ADGRB3: variants seen among roughly 807,000 people sequenced by gnomAD.
ADGRB3 encodes the protein adhesion G protein-coupled receptor B3.
In ADGRB3, 37 loss-of-function variants were observed where a neutral mutation model predicts 193.4. The observed-to-expected ratio is 0.19, with a 90% CI of 0.15 to 0.25. The LOEUF (loss-of-function observed/expected upper bound fraction) is 0.25, where lower values mean the gene tolerates loss of function less well. Ranked by LOEUF, ADGRB3 falls within the 10% of genes least tolerant of loss-of-function variation. ADGRB3 has a pLI of 1.00. For synonymous variants in ADGRB3, 690 were observed against 644.2 expected (o/e 1.07, Z -1.08); for missense variants, 1,637 against 1,852.9 (o/e 0.88, Z 2.14).
intron 17 of ADGRB3, among the ~76,000 whole-genome samples, chr6:69,189,442 T>C (rs1048650785): frequency 2.0e-5 from 3 of 152,188 alleles, no homozygotes; most frequent in African/African-American, 7.2e-5. Context: ...GATTTCTAGA[T>C]TTACTATTGA....
chr6:68,959,751 A>G (rs1768181549), intron 8 of ADGRB3, among the ~76,000 whole-genome samples: 1 of 152,162 alleles, frequency 6.6e-6, no homozygotes, highest in Admixed American at 6.5e-5. Flanking sequence ...ATAAAAAATA[A>G]TTGTAGAAAT....
At chr6:69,262,950 G>C (rs943254094) in intron 20 of ADGRB3, among the ~76,000 whole-genome samples, 14 of 151,838 alleles carry the variant, frequency 9.2e-5, no homozygotes, top group African/African-American at 2.9e-4. Flanking sequence ...CTTACATATA[G>C]CGTTTTCTAA....
chr6:69,358,383 C>G (rs916393311), intron 28 of ADGRB3, among the ~76,000 whole-genome samples: 34 of 152,088 alleles, frequency 2.2e-4, no homozygotes, highest in Middle Eastern at 3.4e-3. Context: ...GCTGTGATCT[C>G]ATCTCTGCAG....
intron 3 of ADGRB3, among the ~76,000 whole-genome samples, chr6:68,747,041 A>C (rs998881827): frequency 2.0e-5 from 3 of 152,228 alleles, no homozygotes; most frequent in Non-Finnish European, 4.4e-5. Context: ...AATTAAGGTG[A>C]GGATGATAAG....
At chr6:69,231,378 C>A (rs1455457453) in intron 17 of ADGRB3, among the ~76,000 whole-genome samples, 1 of 152,158 alleles carries the variant, frequency 6.6e-6, no homozygotes, top group Middle Eastern at 3.2e-3. Flanking sequence ...AGCTGCATAA[C>A]TGAAAAGTGT....
intron 3 of ADGRB3, among the ~76,000 whole-genome samples, chr6:68,908,061 C>T (rs1327486253): frequency 6.6e-6 from 1 of 151,758 alleles, no homozygotes. Context: ...TCGATGAGAT[C>T]TTAATATTAA....
chr6:68,728,515 T>G (rs1765715152), intron 3 of ADGRB3, among the ~76,000 whole-genome samples: 1 of 151,556 alleles, frequency 6.6e-6, no homozygotes, highest in Admixed American at 6.6e-5. Context: ...AAAACACTCG[T>G]GCACACATAT....
chr6:69,103,604 C>G (rs1037882251), intron 17 of ADGRB3, among the ~76,000 whole-genome samples: 2 of 151,838 alleles, frequency 1.3e-5, no homozygotes, highest in Non-Finnish European at 2.9e-5. Context: ...AAAGTGGCTT[C>G]AAGATTTTAA....
intron 19 of ADGRB3, among the ~76,000 whole-genome samples, chr6:69,238,580 C>T (rs777493987): frequency 2.0e-5 from 3 of 151,930 alleles, no homozygotes; most frequent in Non-Finnish European, 4.4e-5. Context: ...TAAAGAGTAG[C>T]AGCCTAATTA....
intron 3 of ADGRB3, among the ~76,000 whole-genome samples, chr6:68,792,829 C>T (rs538762296): frequency 8.0e-4 from 121 of 152,152 alleles, no homozygotes; most frequent in Non-Finnish European, 1.4e-3. Context: ...ACTTCAGATA[C>T]TGGAGCAAAT....
intron 11 of ADGRB3, among the ~76,000 whole-genome samples, chr6:69,010,960 C>A (rs1241057429): frequency 6.6e-6 from 1 of 151,830 alleles, no homozygotes. Context: ...GCTCTGCTAC[C>A]ACAGAAGCAG....
chr6:68,990,511 A>C (rs1446839327), intron 10 of ADGRB3, among the ~76,000 whole-genome samples: 1 of 152,112 alleles, frequency 6.6e-6, no homozygotes, highest in African/African-American at 2.4e-5. Flanking sequence ...AACTCATTCT[A>C]CATAAGCCTT....
intron 3 of ADGRB3, among the ~76,000 whole-genome samples, chr6:68,907,902 A>G (rs537334999): frequency 1.3e-5 from 2 of 152,064 alleles, no homozygotes; most frequent in East Asian, 1.9e-4. Context: ...GAACTTTAAT[A>G]TAAAAAATTT....
At chr6:69,203,865 C>A (rs1765484379) in intron 17 of ADGRB3, among the ~76,000 whole-genome samples, 1 of 152,084 alleles carries the variant, frequency 6.6e-6, no homozygotes, top group South Asian at 2.1e-4. Context: ...TCCTTCTGCT[C>A]TTATGTACAG....
At chr6:69,091,704 T>A (rs1772714600) in intron 17 of ADGRB3, among the ~76,000 whole-genome samples, 1 of 152,156 alleles carries the variant, frequency 6.6e-6, no homozygotes, top group African/African-American at 2.4e-5. Flanking sequence ...GCTTAATATC[T>A]GGGTGATGTA....
intron 17 of ADGRB3, chr6:69,232,598 G>A (rs777006864): frequency 1.2e-4 from 182 of 1,535,536 alleles, no homozygotes; most frequent in Non-Finnish European, 1.3e-4. Flanking sequence ...GAGGCGAGCT[G>A]GACTGAGTGA....
chr6:68,779,505 A>G (rs776031482), intron 3 of ADGRB3, among the ~76,000 whole-genome samples: 8 of 152,016 alleles, frequency 5.3e-5, no homozygotes, highest in South Asian at 2.1e-4. Flanking sequence ...CTGACATACC[A>G]TAAACCACTA....
chr6:69,289,861 T>TGATA (rs1166624759), intron 20 of ADGRB3, among the ~76,000 whole-genome samples: 1 of 151,452 alleles, frequency 6.6e-6, no homozygotes, highest in East Asian at 1.9e-4. Context: ...TATCACAGAA[T>TGATA]TGGCACACTG....
At chr6:69,292,549 C>T (rs1169924258) in intron 20 of ADGRB3, among the ~76,000 whole-genome samples, 1 of 152,094 alleles carries the variant, frequency 6.6e-6, no homozygotes, top group Non-Finnish European at 1.5e-5. Flanking sequence ...TTACTTCCTT[C>T]CACTCCCCAC....
Sources: gnomAD v4.1 joint callset for allele counts (sites outside exome capture counted in the v4.1 genomes callset) on GRCh38, gnomAD v4.1.1 for gene constraint, MANE v1.5 for transcripts, NCBI Gene and HGNC (gene_info 2026-07-23, HGNC 2026-07-21) for gene names.